The following PLPPR4 variants were observed in gnomAD, a reference collection of about 807,000 sequenced individuals.
The protein encoded by PLPPR4 is phospholipid phosphatase-related protein type 4.
In PLPPR4, 24 loss-of-function variants were observed where a neutral mutation model predicts 56.6. That is an observed-to-expected ratio of 0.42 (90% CI 0.31 to 0.60). PLPPR4 has a LOEUF of 0.60. Ranked by LOEUF, PLPPR4 falls within the 20% of genes least tolerant of loss-of-function variation. PLPPR4 has a pLI of 0.13. For missense variants in PLPPR4, 654 were observed against 885.8 expected, an observed-to-expected ratio of 0.74 and a Z score of 3.32; for synonymous variants, 326 against 328.1, an observed-to-expected ratio of 0.99 and a Z score of 0.07.
intron 3 of PLPPR4, 176 bp from the exon 4 acceptor site, chr1:99,298,859 T>C (rs1659810779): frequency 1.5e-6 from 1 of 672,844 alleles, no homozygotes; most frequent in East Asian, 2.7e-5. Flanking sequence ...TGCCTTTATT[T>C]TGGACTTAAG....
At chr1:99,300,168 G>T (rs1350052674) in intron 4 of PLPPR4, among the ~76,000 whole-genome samples, 1 of 151,878 alleles carries the variant, frequency 6.6e-6, no homozygotes, top group Non-Finnish European at 1.5e-5. Context: ...TGGGGATCTT[G>T]TTTATCATGG....
At position 99,306,899 on chromosome 1, in the gene PLPPR4, C is replaced by T. The variant is rs1395271020; in HGVS notation, c.2037C>T (p.Thr679=). The change falls in exon 7 of 7, where the codon ACC becomes ACT. Residue 679 remains threonine (T), a synonymous_variant. Coordinates refer to ENST00000370185, the MANE Select transcript of PLPPR4 (RefSeq NM_014839.5). This position sits in a 1 kb window ranked among gnomAD's most constrained non-coding sequence, Gnocchi z 4.0. ...TLSISSSRDS[T]LRRKGNIILI... ...CCATTTCTTCTTCCCGCGACTCCAC[C>T]CTGCGGAGAAAGGGCAATATCATTC... The T allele has an allele frequency of 9.9e-6, 16 of 1,613,992 alleles. No individual in the cohort carries two copies. In the African/African-American group the frequency reaches 1.5e-4, roughly 15 times the overall value.
chr1:99,276,916 G>A (rs1659200444), intron 1 of PLPPR4, among the ~76,000 whole-genome samples: 1 of 152,152 alleles, frequency 6.6e-6, no homozygotes, highest in African/African-American at 2.4e-5. Flanking sequence ...TCACAAAATT[G>A]CCCATGTTTG....
intron 1 of PLPPR4, among the ~76,000 whole-genome samples, chr1:99,282,895 C>T (rs1217364494): frequency 2.7e-5 from 4 of 149,730 alleles, no homozygotes; most frequent in African/African-American, 7.3e-5. Context: ...CAGCCCTCTT[C>T]TTTATAGTAT....
intron 1 of PLPPR4, among the ~76,000 whole-genome samples, chr1:99,285,198 C>T (rs1659434460): frequency 6.6e-6 from 1 of 152,136 alleles, no homozygotes; most frequent in African/African-American, 2.4e-5. Context: ...TATGTAACTG[C>T]TTATCCACCT....
intron 1 of PLPPR4, among the ~76,000 whole-genome samples, chr1:99,274,611 AT>A (rs796468359): frequency 1.3e-5 from 2 of 152,136 alleles, no homozygotes; most frequent in South Asian, 4.1e-4. Context: ...ATTCCTGCTC[AT>A]TTTTATAGAT....
intron 1 of PLPPR4, among the ~76,000 whole-genome samples, chr1:99,274,530 A>G (rs1350838039): frequency 6.6e-6 from 1 of 152,148 alleles, no homozygotes; most frequent in Non-Finnish European, 1.5e-5. Flanking sequence ...TGTATGTTTT[A>G]TACAGTGTGC....
At chr1:99,266,872 C>T (rs2100780609) in intron 1 of PLPPR4, among the ~76,000 whole-genome samples, 1 of 152,342 alleles carries the variant, frequency 6.6e-6, no homozygotes, top group Middle Eastern at 3.4e-3. Flanking sequence ...TTTGAAATGA[C>T]TCATTTTGAA....
At chr1:99,277,437 G>A (rs1390509504) in intron 1 of PLPPR4, among the ~76,000 whole-genome samples, 4 of 152,180 alleles carry the variant, frequency 2.6e-5, no homozygotes, top group Non-Finnish European at 4.4e-5. Context: ...GCTATTGTTT[G>A]TGTTGTTAAT....
chr1:99,298,841 A>C (rs568156071), intron 3 of PLPPR4, 194 bp from the exon 4 acceptor site: 3 of 659,638 alleles, frequency 4.5e-6, no homozygotes, highest in Non-Finnish European at 8.1e-6. Context: ...TACTTTGGAG[A>C]TACTCATTGC....
chr1:99,297,633 C>T (rs1021702684), intron 3 of PLPPR4, among the ~76,000 whole-genome samples: 22 of 152,176 alleles, frequency 1.4e-4, no homozygotes, highest in African/African-American at 5.3e-4. Context: ...GATGGCTTTG[C>T]TTAATCCCTA....
chr1:99,285,844 CT>C (rs1659449729), intron 1 of PLPPR4, among the ~76,000 whole-genome samples: 1 of 152,108 alleles, frequency 6.6e-6, no homozygotes, highest in Non-Finnish European at 1.5e-5. Context: ...CTAAGCAGTT[CT>C]TTGAGTGTTA....
chr1:99,276,693 A>C (rs983250194), intron 1 of PLPPR4, among the ~76,000 whole-genome samples: 6 of 152,186 alleles, frequency 3.9e-5, no homozygotes, highest in African/African-American at 1.4e-4. Flanking sequence ...AGTTCAAGAT[A>C]GTTTAGTAAG....
In PLPPR4 at chr1:99,309,389, T is replaced by C. The variant is rs899261833; in HGVS notation, c.*2379T>C. On this transcript the variant is annotated 3_prime_UTR_variant, in exon 7 of 7. Transcript: ENST00000370185. ...TGAATAAAGAGAGTTAATTATCTTT[T>C]TAAAGTAAATAAAATTATGAAAATA... 9 of 152,218 alleles carry C rather than the reference T, an allele frequency of 5.9e-5. No homozygotes were observed. Among genetic ancestry groups the C allele is most frequent in the Non-Finnish European group, 1.2e-4 (8 of 67,934 alleles). The allele number at this position is 152,218 out of a possible 1,614,324, so 9.4% of individuals were successfully genotyped here. A position where few individuals can be genotyped will look rare whatever the true frequency, so the allele number is the denominator to read the frequency against.
intron 4 of PLPPR4, among the ~76,000 whole-genome samples, chr1:99,300,677 G>C (rs1228245371): frequency 2.6e-5 from 4 of 152,016 alleles, no homozygotes; most frequent in Non-Finnish European, 5.9e-5. Context: ...TGCCAAGCTA[G>C]CAGTTTTTTA....
chr1:99,274,457 C>T (rs780490615), intron 1 of PLPPR4, among the ~76,000 whole-genome samples: 1 of 152,130 alleles, frequency 6.6e-6, no homozygotes, highest in African/African-American at 2.4e-5. Flanking sequence ...GCTTTAGATG[C>T]TACCTGATTC....
intron 1 of PLPPR4, among the ~76,000 whole-genome samples, chr1:99,267,072 A>G (rs1173856340): frequency 6.6e-6 from 1 of 152,266 alleles, no homozygotes; most frequent in African/African-American, 2.4e-5. Context: ...AGTCTAAAGC[A>G]TATATTTTTA....
rs569382417 is a variant in PLPPR4, at chr1:99,268,552, AT to A, written c.78+3888del. 9.6e-3 allele frequency among the ~76,000 whole-genome samples: 1,461 copies of A among 152,284 alleles called. 23 individuals carry two copies. The highest frequency in any genetic ancestry group is 0.034 in the African/African-American group (1,398 of 41,538). On this transcript the variant is annotated intron_variant, in intron 1 of 6. Coordinates refer to ENST00000370185, the MANE Select transcript of PLPPR4 (RefSeq NM_014839.5). ...AGGGATAGAATTTAGGGATAGAATTATTTTTTTCTTACATTTTTGGTTTATG... is the reference window on the plus strand; with the variant it reads ...AGGGATAGAATTTAGGGATAGAATTATTTTTTCTTACATTTTTGGTTTATG...
Position 99,301,299 on chromosome 1 carries a change from G to GCACA in PLPPR4, c.648+349_648+352dup, listed in dbSNP as rs112516642. ...AAGTACCCACAAAGACATACAACGTGCACACACACACACACACACGTACGC... is the reference window on the plus strand; with the variant it reads ...AAGTACCCACAAAGACATACAACGTGCACACACACACACACACACACACGTACGC... On this transcript the variant is annotated intron_variant, in intron 5 of 6. Coordinates refer to ENST00000370185, the MANE Select transcript of PLPPR4 (RefSeq NM_014839.5). Among the ~76,000 whole-genome samples the GCACA allele has an allele frequency of 2.5e-3, 368 of 150,094 alleles. 2 individuals are homozygous for GCACA. Among genetic ancestry groups the GCACA allele is most frequent in the Non-Finnish European group, 3.2e-3 (217 of 67,200 alleles).
Sources: gnomAD v4.1 joint callset for allele counts (sites outside exome capture counted in the v4.1 genomes callset) on GRCh38, gnomAD v4.1.1 for gene constraint, Gnocchi (gnomAD v3.1) non-coding constraint, MANE v1.5 for transcripts, NCBI Gene and HGNC (gene_info 2026-07-23, HGNC 2026-07-21) for gene names.